The following MARCHF3 variants were observed in gnomAD, a reference collection of about 807,000 sequenced individuals.
MARCHF3 encodes membrane associated ring-CH-type finger 3.
MARCHF3 carries 13 observed loss-of-function variants against 24.2 expected under a neutral mutation model. The ratio of observed to expected loss-of-function variants is 0.54; its 90% CI spans 0.35 to 0.85. The LOEUF (loss-of-function observed/expected upper bound fraction) is 0.85. MARCHF3 is among the 40% of genes least tolerant of loss of function. The pLI is 0.01. For missense variants in MARCHF3, 276 were observed against 325.0 expected (o/e 0.85, Z 1.16); for synonymous variants, 144 against 137.3 (o/e 1.05, Z -0.34).
At chr5:126,971,762 GA>G (rs1751022767) in intron 1 of MARCHF3, among the ~76,000 whole-genome samples, 1 of 152,182 alleles carries the variant, frequency 6.6e-6, no homozygotes, top group South Asian at 2.1e-4. Context: ...CCCAGTAAGT[GA>G]CAATTAGTCA....
intron 2 of MARCHF3, 146 bp downstream of exon 2, chr5:126,917,838 C>T (rs111764458): frequency 1.6e-5 from 12 of 762,308 alleles, no homozygotes; most frequent in Middle Eastern, 2.6e-4. Context: ...TAACAGAACT[C>T]GTGTAGTCTT....
chr5:126,985,687 G>C (rs889673541), intron 1 of MARCHF3, among the ~76,000 whole-genome samples: 1 of 152,012 alleles, frequency 6.6e-6, no homozygotes, highest in Non-Finnish European at 1.5e-5. Flanking sequence ...ATGTTGGCCA[G>C]GATGGTCTCG....
intron 1 of MARCHF3, among the ~76,000 whole-genome samples, chr5:126,977,683 AAT>A (rs1252740275): frequency 1.2e-4 from 18 of 152,256 alleles, no homozygotes; most frequent in Admixed American, 9.8e-4. Flanking sequence ...ATAAGTGTGC[AAT>A]ATATGTTTGA....
At chr5:126,907,506 A>G (rs1186545760) in intron 3 of MARCHF3, among the ~76,000 whole-genome samples, 1 of 151,848 alleles carries the variant, frequency 6.6e-6, no homozygotes, top group South Asian at 2.1e-4. Flanking sequence ...GTGCTCCTGT[A>G]TTGGGTGCAT....
intron 1 of MARCHF3, among the ~76,000 whole-genome samples, chr5:127,008,677 C>T (rs1321180050): frequency 3.3e-5 from 5 of 152,186 alleles, no homozygotes; most frequent in African/African-American, 1.2e-4. Context: ...TCTTTATCAC[C>T]TGTTATTTGC....
chr5:126,892,671 T>C (rs1428408130), intron 3 of MARCHF3, among the ~76,000 whole-genome samples: 1 of 149,980 alleles, frequency 6.7e-6, no homozygotes, highest in East Asian at 1.9e-4. Context: ...CTTTTTGATG[T>C]GCTGCTGGAT....
At chr5:126,892,601 G>C (rs1038838181) in intron 3 of MARCHF3, among the ~76,000 whole-genome samples, 1 of 149,646 alleles carries the variant, frequency 6.7e-6, no homozygotes, top group Admixed American at 6.6e-5. Context: ...TTATTGATTT[G>C]CGTATATTGA....
At chr5:126,872,156 C>G (rs62392881) in intron 4 of MARCHF3, among the ~76,000 whole-genome samples, 1 of 148,242 alleles carries the variant, frequency 6.7e-6, no homozygotes, top group African/African-American at 2.5e-5. Context: ...CTCGGCTCAC[C>G]GCAACCTCTG....
At chr5:126,986,220 G>C (rs1255934440) in intron 1 of MARCHF3, among the ~76,000 whole-genome samples, 1 of 152,056 alleles carries the variant, frequency 6.6e-6, no homozygotes. Flanking sequence ...TTTCAGACAG[G>C]GCCCAAGTGT....
At chr5:126,898,106 T>C (rs1051365788) in intron 3 of MARCHF3, among the ~76,000 whole-genome samples, 2 of 152,058 alleles carry the variant, frequency 1.3e-5, no homozygotes, top group African/African-American at 2.4e-5. Context: ...TTTTGGGTGA[T>C]GAAAATGTTC....
At chr5:127,014,174 T>C (rs1016807184) in intron 1 of MARCHF3, among the ~76,000 whole-genome samples, 1 of 152,114 alleles carries the variant, frequency 6.6e-6, no homozygotes, top group Non-Finnish European at 1.5e-5. Flanking sequence ...ATCCAGAATA[T>C]ACAGAGAACT....
intron 1 of MARCHF3, among the ~76,000 whole-genome samples, chr5:126,961,610 T>C (rs969747864): frequency 3.3e-5 from 5 of 152,322 alleles, no homozygotes; most frequent in Admixed American, 2.0e-4. Context: ...AAGAACAAAA[T>C]GATTAAAATT....
At chr5:126,981,115 T>C (rs1370878843) in intron 1 of MARCHF3, among the ~76,000 whole-genome samples, 1 of 152,220 alleles carries the variant, frequency 6.6e-6, no homozygotes, top group Non-Finnish European at 1.5e-5. Context: ...CAGAAAAATC[T>C]ACAGCCTGCC....
chr5:127,022,569 G>A lies in MARCHF3; in HGVS notation c.-57+7781C>T, dbSNP rs111228022. 3.4e-3 allele frequency among the ~76,000 whole-genome samples: 522 copies of A among 152,266 alleles called. 5 individuals are homozygous for A. Among genetic ancestry groups the A allele is most frequent in the African/African-American group, 0.012 (512 of 41,544 alleles). ...AAAATGCCAAAGCAAATTTCCACAGGGAGAACATCTACTAGTTGCAAGAAA... is the reference window on the plus strand; with the variant it reads ...AAAATGCCAAAGCAAATTTCCACAGAGAGAACATCTACTAGTTGCAAGAAA... On this transcript the variant is annotated intron_variant, in intron 1 of 4. Transcript: ENST00000308660.
chr5:127,016,151 AG>A (rs956968232), intron 1 of MARCHF3, among the ~76,000 whole-genome samples: 4 of 152,178 alleles, frequency 2.6e-5, no homozygotes, highest in African/African-American at 9.6e-5. Context: ...ATATACATGT[AG>A]GAAAAAAACA....
At chr5:127,012,245 T>G (rs531248972) in intron 1 of MARCHF3, among the ~76,000 whole-genome samples, 38 of 152,342 alleles carry the variant, frequency 2.5e-4, no homozygotes, top group Admixed American at 1.2e-3. Flanking sequence ...GTTCAGGATA[T>G]CCACACTAAT....
intron 3 of MARCHF3, among the ~76,000 whole-genome samples, chr5:126,885,354 G>C (rs1354258816): frequency 6.6e-6 from 1 of 152,058 alleles, no homozygotes; most frequent in East Asian, 1.9e-4. Flanking sequence ...GATCGTCTGA[G>C]GGCAGGAGTT....
chr5:126,903,863 G>A (rs997351962), intron 3 of MARCHF3, among the ~76,000 whole-genome samples: 11 of 151,818 alleles, frequency 7.2e-5, no homozygotes, highest in African/African-American at 2.7e-4. Context: ...TGCACAATGG[G>A]CAGGTTAGTT....
intron 1 of MARCHF3, among the ~76,000 whole-genome samples, chr5:126,971,803 T>C (rs1008561921): frequency 2.0e-5 from 3 of 152,372 alleles, no homozygotes; most frequent in Non-Finnish European, 4.4e-5. Context: ...GACACTGTTA[T>C]TCCTCTCCCC....
Sources: gnomAD v4.1 joint callset for allele counts (sites outside exome capture counted in the v4.1 genomes callset) on GRCh38, gnomAD v4.1.1 for gene constraint, MANE v1.5 for transcripts, NCBI Gene and HGNC (gene_info 2026-07-23, HGNC 2026-07-21) for gene names.